Variants in GNAL observed in about 807,000 individuals in gnomAD.
GNAL encodes the protein guanine nucleotide-binding protein G(olf) subunit alpha.
A neutral mutation model predicts 55.1 loss-of-function variants in GNAL; 18 were observed. The observed-to-expected ratio is 0.33, with a 90% CI of 0.23 to 0.48. GNAL has a LOEUF of 0.48. Among genes scored for constraint, GNAL ranks in the 20% least tolerant of loss-of-function variants. The pLI, the probability that GNAL is intolerant of heterozygous loss-of-function variation, is 0.99. For missense variants in GNAL, 412 were observed against 614.1 expected, an observed-to-expected ratio of 0.67 and a Z score of 3.48; for synonymous variants, 253 against 237.0, an observed-to-expected ratio of 1.07 and a Z score of -0.62.
intron 1 of GNAL, among the ~76,000 whole-genome samples, chr18:11,722,705 T>C (rs1379285553): frequency 6.6e-6 from 1 of 151,836 alleles, no homozygotes; most frequent in African/African-American, 2.4e-5. Context: ...TGAAACCCCA[T>C]CTCTAACTGA....
chr18:11,768,330 G>A (rs1252623005), intron 4 of GNAL, among the ~76,000 whole-genome samples: 3 of 152,210 alleles, frequency 2.0e-5, no homozygotes, highest in African/African-American at 4.8e-5. Flanking sequence ...GCCGGGCACC[G>A]TGGCTCACAC....
At chr18:11,847,997 T>C (rs1194586389) in intron 5 of GNAL, among the ~76,000 whole-genome samples, 2 of 152,156 alleles carry the variant, frequency 1.3e-5, no homozygotes, top group Non-Finnish European at 2.9e-5. Context: ...CCAACTCGAA[T>C]GACAAGGTAG....
chr18:11,857,208 A>G (rs2036028165), intron 5 of GNAL: 1 of 152,296 alleles, frequency 6.6e-6, no homozygotes, highest in African/African-American at 2.4e-5. Flanking sequence ...CAACCTTTAA[A>G]AAGGATTAAA....
At chr18:11,694,718 A>G (rs2031355873) in intron 1 of GNAL, among the ~76,000 whole-genome samples, 1 of 152,154 alleles carries the variant, frequency 6.6e-6, no homozygotes, top group South Asian at 2.1e-4. Flanking sequence ...AGCATGAGGT[A>G]TGTGTTAGTC....
At chr18:11,878,334 C>T (rs2036580261) in intron 11 of GNAL, among the ~76,000 whole-genome samples, 1 of 152,058 alleles carries the variant, frequency 6.6e-6, no homozygotes, top group Admixed American at 6.6e-5. Context: ...GCGTGTAGTC[C>T]CAGCTACTCA....
At chr18:11,853,069 T>C (rs2035919310) in intron 5 of GNAL, 2 of 167,144 alleles carry the variant, frequency 1.2e-5, no homozygotes, top group African/African-American at 2.4e-5. Flanking sequence ...TGTGTGTGTG[T>C]AGGTTTTGTT....
intron 11 of GNAL, among the ~76,000 whole-genome samples, chr18:11,878,380 ATTT>A (rs1480746265): frequency 6.6e-6 from 1 of 152,032 alleles, no homozygotes; most frequent in Non-Finnish European, 1.5e-5. Flanking sequence ...GAGCCTAGGA[ATTT>A]GAGGTGGCAG....
intron 1 of GNAL, among the ~76,000 whole-genome samples, chr18:11,727,346 G>A (rs187469284): frequency 3.2e-4 from 48 of 152,326 alleles, no homozygotes; most frequent in Non-Finnish European, 5.7e-4. Context: ...TCCCTGGGCC[G>A]TCTTTTTATT....
At chr18:11,708,006 T>A (rs1252873903) in intron 1 of GNAL, among the ~76,000 whole-genome samples, 1 of 152,262 alleles carries the variant, frequency 6.6e-6, no homozygotes. Context: ...ATGCTGTGGC[T>A]GTTTTAATCT....
chr18:11,855,431 G>A (rs2035983709), intron 5 of GNAL, among the ~76,000 whole-genome samples: 1 of 152,124 alleles, frequency 6.6e-6, no homozygotes, highest in Non-Finnish European at 1.5e-5. Context: ...GCCTTCAAGT[G>A]CACAATTTCT....
At chr18:11,863,667 A>G (rs1242396132) in intron 6 of GNAL, among the ~76,000 whole-genome samples, 1 of 152,102 alleles carries the variant, frequency 6.6e-6, no homozygotes, top group Non-Finnish European at 1.5e-5. Context: ...AAAAACTCTG[A>G]CATCTGCCAA....
chr18:11,846,434 A>AATAC (rs2035738167), intron 5 of GNAL, among the ~76,000 whole-genome samples: 2 of 138,014 alleles, frequency 1.4e-5, no homozygotes, highest in East Asian at 4.2e-4. Context: ...TACATATATA[A>AATAC]ATATATAAAT....
At chr18:11,790,487 T>A (rs1019191610) in intron 4 of GNAL, among the ~76,000 whole-genome samples, 2 of 152,206 alleles carry the variant, frequency 1.3e-5, no homozygotes, top group Admixed American at 6.5e-5. Context: ...AAAGCATTTT[T>A]AACCACTTAT....
intron 4 of GNAL, among the ~76,000 whole-genome samples, chr18:11,792,326 C>T (rs1209074236): frequency 2.6e-5 from 4 of 152,164 alleles, no homozygotes; most frequent in African/African-American, 7.2e-5. Flanking sequence ...GCTGGGACTA[C>T]AGGCGCACAC....
chr18:11,706,419 T>C (rs2031713879), intron 1 of GNAL, among the ~76,000 whole-genome samples: 1 of 152,204 alleles, frequency 6.6e-6, no homozygotes, highest in Non-Finnish European at 1.5e-5. Context: ...TGGTGGAAGG[T>C]CTTGCCTCGA....
At chr18:11,783,246 TTA>T (rs2033968411) in intron 4 of GNAL, among the ~76,000 whole-genome samples, 1 of 152,186 alleles carries the variant, frequency 6.6e-6, no homozygotes, top group South Asian at 2.1e-4. Flanking sequence ...CCACCTGCTT[TTA>T]GAGCCCAGCT....
intron 4 of GNAL, among the ~76,000 whole-genome samples, chr18:11,779,609 C>T (rs147961658): frequency 6.6e-6 from 1 of 152,254 alleles, no homozygotes; most frequent in East Asian, 1.9e-4. Flanking sequence ...CTAATAGTCC[C>T]TCAGTTCTTT....
At chr18:11,872,569 G>A (rs909326410) in intron 10 of GNAL, among the ~76,000 whole-genome samples, 171 bp downstream of exon 10, 2 of 152,096 alleles carry the variant, frequency 1.3e-5, no homozygotes, top group African/African-American at 4.8e-5. Context: ...GGTCCTATTT[G>A]TAATCGGATC....
chr18:11,695,586 T>C (rs1392710907), intron 1 of GNAL, among the ~76,000 whole-genome samples: 2 of 152,218 alleles, frequency 1.3e-5, no homozygotes, highest in Non-Finnish European at 2.9e-5. Flanking sequence ...TCATCTTTCA[T>C]TGACTGTGTT....
Sources: gnomAD v4.1 joint callset for allele counts (sites outside exome capture counted in the v4.1 genomes callset) on GRCh38, gnomAD v4.1.1 for gene constraint, MANE v1.5 for transcripts, NCBI Gene and HGNC (gene_info 2026-07-23, HGNC 2026-07-21) for gene names.